LAMC2: variants seen among roughly 807,000 people sequenced by gnomAD.
LAMC2 encodes laminin subunit gamma 2.
LAMC2 carries 97 observed loss-of-function variants against 140.2 expected under a neutral mutation model. The observed-to-expected ratio is 0.69, with a 90% CI of 0.59 to 0.82. LAMC2 has a LOEUF of 0.82. LAMC2 is among the 40% of genes least tolerant of loss of function. LAMC2 has a pLI of 0.00. For synonymous variants in LAMC2, 513 were observed against 540.2 expected (o/e 0.95, Z 0.70); for missense variants, 1,402 against 1,476.1 (o/e 0.95, Z 0.82).
rs763119021 is a variant in LAMC2, at chr1:183,223,218, T to C, written c.847T>C (p.Ser283Pro). 3.1e-6 allele frequency: 5 copies of C among 1,614,078 alleles called. No individual in the cohort carries two copies. In the African/African-American group the frequency reaches 6.7e-5, roughly 22 times the overall value. The change falls in exon 7 of 23, where the codon TCT (serine) becomes CCT (proline). Residue 283 changes from serine (S) to proline (P), a missense_variant. Ser to Pro is a moderately conservative substitution (Grantham distance 74). Transcript: ENST00000264144. The stretch of plus-strand genomic sequence containing the variant: ...TGTGGACAGAGGAGGCAGACACCCA[T>C]CTGCCCATGATGTGATTCTGGAAGG... The part of the protein sequence containing the change: ...YRVDRGGRHP[S>P]AHDVILEGAG...
chr1:183,213,977 A>G (rs1265317300), intron 2 of LAMC2, among the ~76,000 whole-genome samples: 1 of 152,032 alleles, frequency 6.6e-6, no homozygotes, highest in East Asian at 1.9e-4. Context: ...AGGCAGGAGA[A>G]TCGCTTGAAC....
Position 183,244,245 on chromosome 1 carries a change from A to G in LAMC2, c.*845A>G, listed in dbSNP as rs953447547. 1 of 152,166 alleles carries G rather than the reference A, an allele frequency of 6.6e-6. No homozygotes were observed. Among genetic ancestry groups the G allele is most frequent in the Non-Finnish European group, 1.5e-5 (1 of 68,024 alleles). The allele number at this position is 152,166 out of a possible 1,614,324, so 9.4% of individuals were successfully genotyped here. A position where few individuals can be genotyped will look rare whatever the true frequency, so the allele number is the denominator to read the frequency against. The stretch of plus-strand genomic sequence containing the variant: ...CTCTAGATTTATTAGTCCTAATTCA[A>G]TCCTACTTTTCGAACACCAAAAATG... On this transcript the variant is annotated 3_prime_UTR_variant, in exon 23 of 23. Transcript: ENST00000264144.
intron 10 of LAMC2, 46 bp downstream of exon 10, chr1:183,227,743 T>C (rs757926022): frequency 1.0e-5 from 16 of 1,554,748 alleles, no homozygotes; most frequent in Non-Finnish European, 1.4e-5. Context: ...CCTGTCCTGA[T>C]GCCATGAATG....
At chr1:183,250,737 C>T in the LAMC2 span, 1 of 152,580 alleles carries the variant, frequency 6.6e-6, no homozygotes, top group Non-Finnish European at 1.5e-5. Context: ...ATAGGATTTT[C>T]CTTCCTTCCT....
chr1:183,226,938 C>T, intron 9 of LAMC2, 22 bp downstream of exon 9: 2 of 1,584,306 alleles, frequency 1.3e-6, no homozygotes, highest in Non-Finnish European at 1.7e-6. Flanking sequence ...GACACCTGGA[C>T]CAGGTGGCTG....
chr1:183,226,474 C>G (rs1450312820), intron 8 of LAMC2, among the ~76,000 whole-genome samples: 1 of 152,160 alleles, frequency 6.6e-6, no homozygotes, highest in Admixed American at 6.5e-5. Context: ...CCAATTTACA[C>G]AGCTAGTGAG....
In LAMC2 at chr1:183,243,334, C is replaced by A; in HGVS notation, c.3516C>A (p.Asn1172Lys). The A allele has an allele frequency of 6.2e-7, 1 of 1,614,218 alleles. No homozygotes were observed. Among genetic ancestry groups the A allele is most frequent in the Non-Finnish European group, 8.5e-7 (1 of 1,180,042 alleles). Residue 1172 changes from asparagine to lysine, a missense_variant, in exon 23 of 23, where the codon AAC becomes AAA. Physicochemically the swap from Asn to Lys is moderately conservative, Grantham distance 94. Around this residue, in one of 3 missense-constraint regions of LAMC2, gnomAD observed 670 missense variants for 667.2 expected, o/e 1.00. Transcript: ENST00000264144. ...ATGGGATTCTGGCTGATGTGAAGAACTTGGAGAACATTAGGGACAACCTGC... is the reference window on the plus strand; with the variant it reads ...ATGGGATTCTGGCTGATGTGAAGAAATTGGAGAACATTAGGGACAACCTGC... Reference protein sequence around the residue: ...SIDGILADVKNLENIRDNLPP... With the variant: ...SIDGILADVKKLENIRDNLPP...
chr1:183,221,287 T>C (rs1478947210), intron 5 of LAMC2, among the ~76,000 whole-genome samples: 1 of 152,230 alleles, frequency 6.6e-6, no homozygotes, highest in Non-Finnish European at 1.5e-5. Context: ...TGTATGAGTC[T>C]TCCTGGAATT....
chr1:183,238,194 C>A, intron 18 of LAMC2, 113 bp from the exon 19 acceptor site: 1 of 789,892 alleles, frequency 1.3e-6, no homozygotes, highest in South Asian at 1.4e-5. Context: ...TACAGCACCC[C>A]TAGACTCTGC....
At chr1:183,197,445 T>C (rs2102175646) in intron 1 of LAMC2, among the ~76,000 whole-genome samples, 1 of 152,144 alleles carries the variant, frequency 6.6e-6, no homozygotes, top group African/African-American at 2.4e-5. Context: ...GACGGTGAGG[T>C]GGGCAAATCA....
At chr1:183,204,237 C>T (rs7556064) in intron 1 of LAMC2, among the ~76,000 whole-genome samples, 18,500 of 145,534 alleles carry the variant, frequency 0.13, 1,113 homozygotes, top group East Asian at 0.24. Context: ...GCTGCAGTGA[C>T]CCGTGATCAC....
chr1:183,239,422 C>T lies in LAMC2; in HGVS notation c.2928C>T (p.Leu976=). 6.2e-7 allele frequency: 1 copy of T among 1,614,200 alleles called. No homozygotes were observed. The highest frequency in any genetic ancestry group is 8.5e-7 in the Non-Finnish European group (1 of 1,180,032). ...KAEAEEAMKR[L]SYISQKVSDA... is the part of the protein sequence containing the mutation. ...AAGCTGAAGAAGCCATGAAGAGACT[C>T]TCCTACATCAGCCAGAAGGTTTCAG... The change falls in exon 20 of 23, where the codon CTC becomes CTT. Residue 976 remains leucine (L), a synonymous_variant. Coordinates refer to ENST00000264144, the MANE Select transcript of LAMC2 (RefSeq NM_005562.3).
chr1:183,198,146 T>C (rs1382372946), intron 1 of LAMC2, among the ~76,000 whole-genome samples: 29 of 146,470 alleles, frequency 2.0e-4, no homozygotes, highest in Admixed American at 1.4e-4. Context: ...CTTTCTTTTT[T>C]TTTTTTTTTT....
chr1:183,192,858 C>A (rs563667139), intron 1 of LAMC2, among the ~76,000 whole-genome samples: 1 of 152,290 alleles, frequency 6.6e-6, no homozygotes, highest in African/African-American at 2.4e-5. Flanking sequence ...GGGTGCACCA[C>A]CATGCCTGAC....
chr1:183,239,539 G>A lies in LAMC2; in HGVS notation c.3045G>A (p.Leu1015=). The A allele has an allele frequency of 6.2e-7, 1 of 1,613,700 alleles. No homozygotes were observed. The change falls in exon 20 of 23, where the codon CTG becomes CTA. Residue 1015 remains leucine, a synonymous_variant. Transcript: ENST00000264144. ...CAAAGAATGGGGCCGGGGAGGCCCT[G>A]GAAATCTCCAGTGAGATTGAACAGG... ...QRAKNGAGEA[L]EISSEIEQEI... is the part of the protein sequence containing the mutation.
At chr1:183,235,137 G>A (rs1383934497) in intron 15 of LAMC2, among the ~76,000 whole-genome samples, 1 of 152,186 alleles carries the variant, frequency 6.6e-6, no homozygotes, top group Non-Finnish European at 1.5e-5. Context: ...GGAACCAAAA[G>A]TATCCAGGGA....
chr1:183,190,447 G>T (rs997645284), intron 1 of LAMC2, among the ~76,000 whole-genome samples: 17 of 151,810 alleles, frequency 1.1e-4, no homozygotes, highest in African/African-American at 4.1e-4. Flanking sequence ...ACCCAAAGCA[G>T]GTTGCAGTTT....
intron 11 of LAMC2, among the ~76,000 whole-genome samples, chr1:183,230,336 T>G (rs1659762197): frequency 6.6e-6 from 1 of 152,204 alleles, no homozygotes; most frequent in Non-Finnish European, 1.5e-5. Context: ...GTAATCAGCG[T>G]TTTGTGAGCA....
At chr1:183,225,243 T>C (rs990227048) in intron 7 of LAMC2, among the ~76,000 whole-genome samples, 13 of 152,220 alleles carry the variant, frequency 8.5e-5, no homozygotes, top group African/African-American at 3.1e-4. Context: ...AAAAAATGAA[T>C]AGTAGCTCTT....
Sources: gnomAD v4.1 joint callset for allele counts (sites outside exome capture counted in the v4.1 genomes callset) on GRCh38, gnomAD v4.1.1 for gene constraint, gnomAD v4.1.1 regional missense constraint, MANE v1.5 for transcripts, NCBI Gene and HGNC (gene_info 2026-07-23, HGNC 2026-07-21) for gene names.